The following METTL3 variants were observed in gnomAD, a reference collection of about 807,000 sequenced individuals.
METTL3 encodes the protein methyltransferase 3, N6-adenosine-methyltransferase complex catalytic subunit.
A neutral mutation model predicts 64.3 loss-of-function variants in METTL3; 42 were observed. The observed-to-expected ratio is 0.65, with a 90% CI of 0.51 to 0.84. The LOEUF (loss-of-function observed/expected upper bound fraction) is 0.84, where lower values mean the gene tolerates loss of function less well. METTL3 is among the 40% of genes least tolerant of loss of function. METTL3 has a pLI of 0.00. For missense variants in METTL3, 435 were observed against 722.3 expected (o/e 0.60, Z 4.56); for synonymous variants, 256 against 263.6 (o/e 0.97, Z 0.28).
chr14:21,508,590 T>C (rs1210213653), intron 1 of METTL3, among the ~76,000 whole-genome samples: 2 of 151,982 alleles, frequency 1.3e-5, no homozygotes, highest in African/African-American at 4.8e-5. Flanking sequence ...AATTTAGAAA[T>C]GGAAAAGTAT....
chr14:21,501,213 A>G (rs1016445695), intron 4 of METTL3, 84 bp from the exon 5 acceptor site: 7 of 1,042,930 alleles, frequency 6.7e-6, no homozygotes, highest in South Asian at 1.6e-5. Context: ...CAAAATGTCT[A>G]TTTTATTACC....
intron 3 of METTL3, 108 bp from the exon 4 acceptor site, chr14:21,502,011 ACTTTTTTTTTTTTTTTT>A: frequency 1.4e-6 from 1 of 725,560 alleles, no homozygotes; most frequent in East Asian, 3.1e-5. Flanking sequence ...AGATAAATCA[ACTTTTTTTTTTTTTTTT>A]TTTTTAAGAG....
Position 21,499,302 on chromosome 14 carries a change from A to G in METTL3, c.1518+4T>C, listed in dbSNP as rs1406579571. The G allele has an allele frequency of 3.1e-6, 5 of 1,614,250 alleles. No homozygotes were observed. The highest frequency in any genetic ancestry group is 3.4e-6 in the Non-Finnish European group (4 of 1,180,046). On this transcript the variant is annotated splice_donor_region_variant and intron_variant, in intron 9 of 10. Coordinates refer to ENST00000298717, the MANE Select transcript of METTL3 (RefSeq NM_019852.5). ...GAAGCTTTGGAGGCCTGGGAAGCAC[A>G]TACCTCAGCTACGATCACATCACAA...
intron 1 of METTL3, chr14:21,509,404 G>A (rs1241158583): frequency 6.6e-5 from 10 of 152,034 alleles, no homozygotes; most frequent in African/African-American, 1.9e-4. Context: ...TGATCCTCAG[G>A]TCCCCTTTTG....
At chr14:21,510,995 G>A (rs925017390) in intron 1 of METTL3, 129 bp downstream of exon 1, 3 of 1,038,558 alleles carry the variant, frequency 2.9e-6, no homozygotes, top group Non-Finnish European at 2.7e-6. Context: ...AGGTGGAGAG[G>A]GAGTACCAAT....
chr14:21,500,773 C>T, intron 5 of METTL3, 91 bp from the exon 6 acceptor site: 1 of 1,467,678 alleles, frequency 6.8e-7, no homozygotes. Flanking sequence ...TTCCTATTCC[C>T]TTAAAAGCTT....
intron 4 of METTL3, 33 bp downstream of exon 4, chr14:21,501,695 A>G: frequency 1.9e-6 from 3 of 1,614,076 alleles, no homozygotes; most frequent in Non-Finnish European, 2.5e-6. Flanking sequence ...TGCTTCTGAC[A>G]AACCCATCCC....
chr14:21,503,907 A>G lies in METTL3; in HGVS notation c.101-26T>C, dbSNP rs375518926. The G allele has an allele frequency of 8.1e-6, 13 of 1,602,480 alleles. No homozygotes were observed. In the African/African-American group the frequency reaches 1.6e-4, roughly 20 times the overall value. On this transcript the variant is annotated intron_variant, in intron 1 of 10. Coordinates refer to ENST00000298717, the MANE Select transcript of METTL3 (RefSeq NM_019852.5). ...CTAAGAATGAAGAGAAGTGAAAATG[A>G]AAAAAGGCAACCACTGTTGGTCTAT...
intron 4 of METTL3, chr14:21,501,449 C>T: frequency 3.6e-6 from 2 of 556,476 alleles, no homozygotes; most frequent in Non-Finnish European, 3.2e-6. Context: ...ATCCTCCTTT[C>T]AGAGTACTTT....
chr14:21,503,640 A>C, intron 2 of METTL3, 24 bp downstream of exon 2: 1 of 1,614,084 alleles, frequency 6.2e-7, no homozygotes, highest in Non-Finnish European at 8.5e-7. Flanking sequence ...TAAGTGGTAA[A>C]TCCTAACTCT....
chr14:21,503,789 T>G lies in METTL3; in HGVS notation c.193A>C (p.Thr65Pro), dbSNP rs2139645865. 1 of 1,614,234 alleles carries G rather than the reference T, an allele frequency of 6.2e-7. No homozygotes were observed. The highest frequency in any genetic ancestry group is 2.2e-5 in the East Asian group (1 of 44,882). Residue 65 changes from threonine (T) to proline (P), a missense_variant, in exon 2 of 11, where the codon ACA becomes CCA. Thr to Pro is a conservative substitution (Grantham distance 38). This residue lies in a region of METTL3 where 228 missense variants were observed against 279.6 expected (regional missense o/e 0.82). Transcript: ENST00000298717. ...APTSGGPKPS[T>P]ASAVPELATD... is the part of the protein sequence containing the mutation. ...GCTAATTCAGGAACTGCTGAAGCTG[T>G]GCTGGGCTTAGGGCCACCAGAGGTG...
intron 1 of METTL3, among the ~76,000 whole-genome samples, chr14:21,506,185 T>G (rs559971355): frequency 3.3e-5 from 5 of 152,164 alleles, no homozygotes; most frequent in South Asian, 2.1e-4. Context: ...AGGATGGCGC[T>G]TCCTCAAAAA....
chr14:21,511,233 C>T lies in METTL3; in HGVS notation c.-10G>A. The T allele has an allele frequency of 1.9e-6, 3 of 1,612,382 alleles. No individual in the cohort carries two copies. Among genetic ancestry groups the T allele is most frequent in the Non-Finnish European group, 2.5e-6 (3 of 1,179,286 alleles). ...TCCACGTGTCCGACATCCTAGTCTC[C>T]CAGCCCTGACACCTCTCGAATAAGG... On this transcript the variant is annotated 5_prime_UTR_variant, in exon 1 of 11. Coordinates refer to ENST00000298717, the MANE Select transcript of METTL3 (RefSeq NM_019852.5).
In METTL3 at chr14:21,499,253, A is replaced by G. The variant is rs1891493849; in HGVS notation, c.1518+53T>C. The G allele has an allele frequency of 5.0e-6, 8 of 1,607,876 alleles. No homozygotes were observed. The South Asian group carries it at 5.5e-5, about 11-fold the overall frequency. On this transcript the variant is annotated intron_variant, in intron 9 of 10. Coordinates refer to ENST00000298717, the MANE Select transcript of METTL3 (RefSeq NM_019852.5). ...TGGGATGAGAATACACCCAACATGA[A>G]TAACTGATACCAACAAAAATGTGGA...
At chr14:21,498,467 A>C in intron 10 of METTL3, 98 bp from the exon 11 acceptor site, 1 of 1,095,834 alleles carries the variant, frequency 9.1e-7, no homozygotes, top group South Asian at 1.4e-5. Flanking sequence ...GCCTATCATC[A>C]TATCAAATAT....
rs946315372 is a variant in METTL3, at chr14:21,511,005, T to G, written c.100+119A>C. The G allele has an allele frequency of 6.1e-6, 7 of 1,148,480 alleles. No individual in the cohort carries two copies. The Admixed American group carries it at 1.2e-4, about 19-fold the overall frequency. 71.1% of individuals were successfully genotyped at this position (1,148,480 alleles called of 1,614,324 possible). On this transcript the variant is annotated intron_variant, in intron 1 of 10. Coordinates refer to ENST00000298717, the MANE Select transcript of METTL3 (RefSeq NM_019852.5). Reference sequence around the variant, plus strand: ...GCTGAAGGTGGAGAGGGAGTACCAATGTACGAGGCTTTATAGAAATGGCCG... The same window carrying G: ...GCTGAAGGTGGAGAGGGAGTACCAAGGTACGAGGCTTTATAGAAATGGCCG...
In METTL3 at chr14:21,505,295, A is replaced by C. The variant is rs547239941; in HGVS notation, c.101-1414T>G. The stretch of plus-strand genomic sequence containing the variant: ...AACTGAAGATGTTCTTTGAGTAATT[A>C]AGTGAGTGAGAAAATTTTTAAGTGA... On this transcript the variant is annotated intron_variant, in intron 1 of 10. Coordinates refer to ENST00000298717, the MANE Select transcript of METTL3 (RefSeq NM_019852.5). Among the ~76,000 whole-genome samples, 3 of 152,318 alleles carry C rather than the reference A, an allele frequency of 2.0e-5. No homozygotes were observed. In the South Asian group the frequency reaches 6.2e-4, roughly 32 times the overall value.
chr14:21,506,235 T>C (rs1891693781), intron 1 of METTL3, among the ~76,000 whole-genome samples: 1 of 152,082 alleles, frequency 6.6e-6, no homozygotes, highest in African/African-American at 2.4e-5. Flanking sequence ...AATTCCACTT[T>C]TGGGTATATG....
chr14:21,504,712 C>T (rs1003105138), intron 1 of METTL3: 1 of 151,860 alleles, frequency 6.6e-6, no homozygotes, highest in African/African-American at 2.4e-5. Flanking sequence ...GGGTGGATCA[C>T]TTGAGGTGAG....
Sources: allele counts gnomAD v4.1 joint callset (sites outside exome capture counted in the v4.1 genomes callset), GRCh38; gene constraint gnomAD v4.1.1; regional missense constraint gnomAD v4.1.1; transcripts MANE v1.5; gene names NCBI Gene and HGNC (gene_info 2026-07-23, HGNC 2026-07-21).